Variants in ITSN1 observed in about 807,000 individuals in gnomAD.
ITSN1 encodes intersectin 1.
A neutral mutation model predicts 239.8 loss-of-function variants in ITSN1; 58 were observed. The ratio of observed to expected loss-of-function variants is 0.24; its 90% CI spans 0.20 to 0.30. ITSN1 has a LOEUF of 0.30. Among genes scored for constraint, ITSN1 ranks in the 10% least tolerant of loss-of-function variants. ITSN1 has a pLI of 1.00. For synonymous variants in ITSN1, 780 were observed against 770.8 expected (o/e 1.01, Z -0.20); for missense variants, 1,558 against 2,103.3 (o/e 0.74, Z 5.07).
chr21:33,649,184 T>G (rs2088269175), intron 1 of ITSN1, among the ~76,000 whole-genome samples: 1 of 152,168 alleles, frequency 6.6e-6, no homozygotes, highest in South Asian at 2.1e-4. Flanking sequence ...GAAAGTGGCC[T>G]AAGGAAGTTT....
At chr21:33,677,331 A>G (rs2090654710) in intron 1 of ITSN1, among the ~76,000 whole-genome samples, 1 of 151,484 alleles carries the variant, frequency 6.6e-6, no homozygotes, top group Non-Finnish European at 1.5e-5. Context: ...TAACATAGCC[A>G]AAGCAGAATT....
intron 1 of ITSN1, among the ~76,000 whole-genome samples, chr21:33,681,039 G>A (rs1161025396): frequency 6.6e-6 from 1 of 152,198 alleles, no homozygotes; most frequent in East Asian, 1.9e-4. Context: ...AACCTCAAAA[G>A]TGGCATGTGC....
intron 1 of ITSN1, among the ~76,000 whole-genome samples, chr21:33,693,088 G>A (rs541652435): frequency 1.1e-4 from 17 of 151,990 alleles, no homozygotes; most frequent in East Asian, 9.7e-4. Flanking sequence ...GAGCCACCGC[G>A]CCCAGCCCAG....
At chr21:33,678,916 A>G (rs551104585) in intron 1 of ITSN1, among the ~76,000 whole-genome samples, 31 of 152,118 alleles carry the variant, frequency 2.0e-4, no homozygotes, top group Non-Finnish European at 4.4e-4. Flanking sequence ...GTTTCACGGA[A>G]GCAGAGATTT....
intron 20 of ITSN1, among the ~76,000 whole-genome samples, chr21:33,809,320 A>G (rs779750519): frequency 2.6e-5 from 4 of 152,172 alleles, no homozygotes; most frequent in Non-Finnish European, 5.9e-5. Context: ...AATTGCTTTT[A>G]TCTGTGACAA....
intron 4 of ITSN1, among the ~76,000 whole-genome samples, chr21:33,722,901 A>T (rs1400414644): frequency 2.0e-5 from 3 of 152,210 alleles, no homozygotes; most frequent in Non-Finnish European, 4.4e-5. Context: ...ATTTCCATGG[A>T]GACATCTAAA....
chr21:33,704,972 G>A (rs1294898904), intron 1 of ITSN1, among the ~76,000 whole-genome samples: 13 of 150,772 alleles, frequency 8.6e-5, no homozygotes, highest in South Asian at 2.1e-4. Context: ...TTAGCCAGGC[G>A]TGGTGGCAGG....
intron 6 of ITSN1, among the ~76,000 whole-genome samples, chr21:33,750,853 A>T (rs971705435): frequency 1.3e-5 from 2 of 152,224 alleles, no homozygotes; most frequent in African/African-American, 4.8e-5. Context: ...AGACTTTATT[A>T]AGTCTTTTTT....
intron 29 of ITSN1, among the ~76,000 whole-genome samples, chr21:33,848,747 C>T (rs1165400767): frequency 6.6e-6 from 1 of 152,242 alleles, no homozygotes; most frequent in Non-Finnish European, 1.5e-5. Context: ...TGCTTCCCTC[C>T]TCTGCACCTG....
chr21:33,665,152 A>G (rs1480479587), intron 1 of ITSN1, among the ~76,000 whole-genome samples: 2 of 151,980 alleles, frequency 1.3e-5, no homozygotes, highest in East Asian at 3.9e-4. Context: ...AATCCCAGCT[A>G]CTCGGGAGGC....
rs1204654668 is a variant in ITSN1, at chr21:33,837,756, G to GT, written c.3661+1125dup. 6 of 985,752 alleles carry GT rather than the reference G, an allele frequency of 6.1e-6. No homozygotes were observed. The East Asian group carries it at 6.8e-4, about 112-fold the overall frequency. 61.1% of individuals were successfully genotyped at this position (985,752 alleles called of 1,614,324 possible). A position where few individuals can be genotyped will look rare whatever the true frequency, so the allele number is the denominator to read the frequency against. On this transcript the variant is annotated intron_variant, in intron 29 of 39. Coordinates refer to ENST00000381318, the MANE Select transcript of ITSN1 (RefSeq NM_003024.3). ...TAATTTTATTTTGCACAGTGACCTTGTAGCCACATGAGAAAGCACTCTGTG... is the reference window on the plus strand; with the variant it reads ...TAATTTTATTTTGCACAGTGACCTTGTTAGCCACATGAGAAAGCACTCTGTG...
intron 16 of ITSN1, among the ~76,000 whole-genome samples, chr21:33,784,267 T>G (rs1439282736): frequency 6.7e-6 from 1 of 149,402 alleles, no homozygotes; most frequent in African/African-American, 2.5e-5. Context: ...AGTGGATCAT[T>G]CGAGACTAGC....
intron 28 of ITSN1, among the ~76,000 whole-genome samples, chr21:33,835,323 G>T (rs150353152): frequency 6.6e-6 from 1 of 152,238 alleles, no homozygotes; most frequent in African/African-American, 2.4e-5. Context: ...GGAGAGATGT[G>T]TCAGTATCCC....
At chr21:33,799,007 G>A (rs1442434899) in intron 18 of ITSN1, among the ~76,000 whole-genome samples, 1 of 152,120 alleles carries the variant, frequency 6.6e-6, no homozygotes, top group Non-Finnish European at 1.5e-5. Flanking sequence ...AATCTTGCAT[G>A]TCATACAGTT....
At chr21:33,868,434 G>A (rs1248356092) in intron 33 of ITSN1, among the ~76,000 whole-genome samples, 1 of 152,366 alleles carries the variant, frequency 6.6e-6, no homozygotes, top group Non-Finnish European at 1.5e-5. Flanking sequence ...GCTCAGGCAT[G>A]GCGGGCTGCA....
intron 5 of ITSN1, among the ~76,000 whole-genome samples, chr21:33,743,213 C>T (rs1190608161): frequency 6.6e-6 from 1 of 152,196 alleles, no homozygotes; most frequent in Non-Finnish European, 1.5e-5. Context: ...CGCCTGTAAT[C>T]CCAGCACTTT....
chr21:33,874,743 G>C (rs1326811154), intron 33 of ITSN1, among the ~76,000 whole-genome samples: 1 of 149,990 alleles, frequency 6.7e-6, no homozygotes, highest in Non-Finnish European at 1.5e-5. Flanking sequence ...CTGCCTCCTG[G>C]GTTCAAGCGA....
intron 1 of ITSN1, among the ~76,000 whole-genome samples, chr21:33,697,390 C>G (rs1004058280): frequency 2.0e-5 from 3 of 151,876 alleles, no homozygotes; most frequent in African/African-American, 7.3e-5. Context: ...CCTAGATTAT[C>G]TCTTCTTTAG....
intron 4 of ITSN1, among the ~76,000 whole-genome samples, chr21:33,724,683 A>G (rs1005936934): frequency 6.6e-6 from 1 of 152,240 alleles, no homozygotes; most frequent in African/African-American, 2.4e-5. Context: ...CGGATATAGC[A>G]ATGAACAAAA....
Sources: allele counts gnomAD v4.1 joint callset (sites outside exome capture counted in the v4.1 genomes callset), GRCh38; gene constraint gnomAD v4.1.1; transcripts MANE v1.5; gene names NCBI Gene and HGNC (gene_info 2026-07-23, HGNC 2026-07-21).